The following ROBO1 variants were observed in gnomAD, a reference collection of about 807,000 sequenced individuals.
ROBO1 encodes roundabout homolog 1.
Under a neutral mutation model 195.9 loss-of-function variants are expected in ROBO1, and 149 were observed. The ratio of observed to expected loss-of-function variants is 0.76; its 90% CI spans 0.67 to 0.87. The LOEUF (loss-of-function observed/expected upper bound fraction) is 0.87. Ranked by LOEUF, ROBO1 falls within the 40% of genes least tolerant of loss-of-function variation. ROBO1 has a pLI of 0.00. For synonymous variants in ROBO1, 816 were observed against 733.2 expected, an observed-to-expected ratio of 1.11 and a Z score of -1.82; for missense variants, 1,933 against 2,068.3, an observed-to-expected ratio of 0.93 and a Z score of 1.27.
intron 2 of ROBO1, among the ~76,000 whole-genome samples, chr3:79,134,149 G>A (rs866265419): frequency 0.019 from 2,758 of 144,098 alleles, 99 homozygotes; most frequent in African/African-American, 0.067. Flanking sequence ...CTGACAAAGG[G>A]CTAATATCCG....
intron 3 of ROBO1, among the ~76,000 whole-genome samples, chr3:78,940,837 TG>T (rs1341380853): frequency 6.6e-6 from 1 of 152,214 alleles, no homozygotes; most frequent in African/African-American, 2.4e-5. Flanking sequence ...GGCAGAGTGC[TG>T]TGCACATTAC....
rs72900085 is a variant in ROBO1 at position 79,511,941 on chromosome 3, G to A, written c.88+77883C>T. 8.0e-3 allele frequency among the ~76,000 whole-genome samples: 1,210 copies of A among 152,190 alleles called. 11 individuals carry two copies. Among genetic ancestry groups the A allele is most frequent in the African/African-American group, 0.027 (1,139 of 41,532 alleles). ...ATCAGAGGGTAAAAGGTGAGAGGAG[G>A]GAGAGAATCAGGAAAAATAATTAAT... On this transcript the variant is annotated intron_variant, in intron 2 of 30. Transcript: ENST00000464233.
At chr3:79,168,325 G>A (rs2081106972) in intron 2 of ROBO1, among the ~76,000 whole-genome samples, 1 of 151,970 alleles carries the variant, frequency 6.6e-6, no homozygotes, top group African/African-American at 2.4e-5. Context: ...GTTTCTTCCA[G>A]GGAGATTTTT....
At chr3:78,745,589 T>G (rs2082638009) in intron 5 of ROBO1, among the ~76,000 whole-genome samples, 1 of 152,204 alleles carries the variant, frequency 6.6e-6, no homozygotes, top group Admixed American at 6.6e-5. Flanking sequence ...TGCTCTTTCT[T>G]GACTTCATTT....
chr3:78,871,764 AT>A (rs2035564385), intron 4 of ROBO1, among the ~76,000 whole-genome samples: 2 of 149,646 alleles, frequency 1.3e-5, no homozygotes, highest in African/African-American at 2.4e-5. Flanking sequence ...AAAAAAAAGA[AT>A]TTGTAAAGCT....
chr3:79,696,000 T>C (rs1947437818), intron 1 of ROBO1, among the ~76,000 whole-genome samples: 1 of 151,402 alleles, frequency 6.6e-6, no homozygotes, highest in African/African-American at 2.4e-5. Flanking sequence ...GGGGGTTCTG[T>C]GTTAGAATTG....
At chr3:79,060,878 C>T (rs948432975) in intron 3 of ROBO1, among the ~76,000 whole-genome samples, 9 of 152,074 alleles carry the variant, frequency 5.9e-5, no homozygotes, top group Admixed American at 2.0e-4. Flanking sequence ...TTATGACATA[C>T]CCACAGCCAA....
chr3:79,535,987 G>A (rs948298820), intron 2 of ROBO1, among the ~76,000 whole-genome samples: 1 of 151,784 alleles, frequency 6.6e-6, no homozygotes, highest in Non-Finnish European at 1.5e-5. Context: ...GCCTTTCCCT[G>A]GATCTATGCC....
chr3:79,417,476 T>C (rs970849297), intron 2 of ROBO1, among the ~76,000 whole-genome samples: 3 of 152,142 alleles, frequency 2.0e-5, no homozygotes, highest in Admixed American at 2.0e-4. Context: ...TACTTCTAGA[T>C]TCCTGATCCT....
chr3:79,029,260 T>C (rs1221908488), intron 3 of ROBO1, among the ~76,000 whole-genome samples: 1 of 152,086 alleles, frequency 6.6e-6, no homozygotes, highest in Non-Finnish European at 1.5e-5. Context: ...TATCCCCTTT[T>C]TCCTAGTGAA....
intron 3 of ROBO1, among the ~76,000 whole-genome samples, chr3:79,024,208 G>T (rs1465173806): frequency 6.6e-6 from 1 of 152,186 alleles, no homozygotes. Context: ...CACACACATT[G>T]TAGATGTTCT....
At chr3:78,602,425 C>A (rs531379780) in intron 29 of ROBO1, among the ~76,000 whole-genome samples, 6 of 152,268 alleles carry the variant, frequency 3.9e-5, no homozygotes, top group Admixed American at 1.3e-4. Flanking sequence ...ATAAAGGCTG[C>A]AGAACACTTA....
intron 2 of ROBO1, among the ~76,000 whole-genome samples, chr3:79,267,878 T>C (rs998733280): frequency 1.3e-5 from 2 of 151,564 alleles, no homozygotes; most frequent in Admixed American, 6.6e-5. Context: ...TTGGGCATTA[T>C]ATAAGAACAC....
chr3:79,222,937 G>A (rs2082166353), intron 2 of ROBO1, among the ~76,000 whole-genome samples: 1 of 152,050 alleles, frequency 6.6e-6, no homozygotes, highest in African/African-American at 2.4e-5. Flanking sequence ...TTTCTTTCTG[G>A]TTCTCAATAT....
intron 3 of ROBO1, among the ~76,000 whole-genome samples, chr3:79,109,639 A>G (rs2079849252): frequency 6.6e-6 from 1 of 152,058 alleles, no homozygotes; most frequent in Non-Finnish European, 1.5e-5. Flanking sequence ...CTAAAGCGTT[A>G]CACTTAAGAA....
At chr3:78,602,886 T>A (rs1395684488) in intron 29 of ROBO1, among the ~76,000 whole-genome samples, 2 of 152,162 alleles carry the variant, frequency 1.3e-5, no homozygotes, top group Admixed American at 1.3e-4. Flanking sequence ...TCACTAATCA[T>A]TAAGATACGC....
intron 3 of ROBO1, among the ~76,000 whole-genome samples, chr3:79,123,928 A>G (rs557837742): frequency 4.2e-4 from 64 of 152,214 alleles, no homozygotes; most frequent in African/African-American, 1.5e-3. Flanking sequence ...AACATGATTT[A>G]TTCATTACTT....
At chr3:79,682,301 T>C (rs1946973086) in intron 1 of ROBO1, among the ~76,000 whole-genome samples, 1 of 151,986 alleles carries the variant, frequency 6.6e-6, no homozygotes, top group Non-Finnish European at 1.5e-5. Flanking sequence ...TTAAAAAGCC[T>C]TTGAGAAAGA....
intron 4 of ROBO1, among the ~76,000 whole-genome samples, chr3:78,889,986 G>C (rs2036795477): frequency 6.6e-6 from 1 of 151,852 alleles, no homozygotes; most frequent in African/African-American, 2.4e-5. Flanking sequence ...TCTAAACTGG[G>C]ACCTCTCTGT....
Sources: gnomAD v4.1 joint callset for allele counts (sites outside exome capture counted in the v4.1 genomes callset) on GRCh38, gnomAD v4.1.1 for gene constraint, MANE v1.5 for transcripts, NCBI Gene and HGNC (gene_info 2026-07-23, HGNC 2026-07-21) for gene names.